The following ABCA13 variants were observed in gnomAD, a reference collection of about 807,000 sequenced individuals.
The protein encoded by ABCA13 is ATP-binding cassette sub-family A member 13.
Under a neutral mutation model 478.7 loss-of-function variants are expected in ABCA13, and 476 were observed. The observed-to-expected ratio is 0.99, with a 90% CI of 0.92 to 1.07. The LOEUF is 1.07. Among genes scored for constraint, ABCA13 ranks in the 50% least tolerant of loss-of-function variants. The probability of loss-of-function intolerance (pLI) is 0.00; values close to 1 mark genes in which losing one functional copy is unlikely to be tolerated. For missense variants in ABCA13, 6,060 were observed against 5,910.6 expected (o/e 1.03, Z -0.83); for synonymous variants, 2,252 against 2,158.9 (o/e 1.04, Z -1.20).
chr7:48,185,542 T>C (rs1414724467), intron 1 of ABCA13, among the ~76,000 whole-genome samples: 4 of 152,182 alleles, frequency 2.6e-5, no homozygotes, highest in African/African-American at 7.2e-5. Flanking sequence ...AACATCTTTA[T>C]GGTACTGAGT....
At chr7:48,534,048 G>T (rs1405784180) in intron 55 of ABCA13, among the ~76,000 whole-genome samples, 2 of 151,838 alleles carry the variant, frequency 1.3e-5, no homozygotes, top group African/African-American at 2.4e-5. Flanking sequence ...CTGTTTCATT[G>T]TGTTATTGTT....
intron 25 of ABCA13, among the ~76,000 whole-genome samples, chr7:48,313,939 T>C (rs1802143464): frequency 6.6e-6 from 1 of 151,980 alleles, no homozygotes; most frequent in African/African-American, 2.4e-5. Flanking sequence ...GGATTAATAA[T>C]TTATTACTGG....
At chr7:48,522,711 A>G (rs999086829) in intron 53 of ABCA13, among the ~76,000 whole-genome samples, 2 of 152,176 alleles carry the variant, frequency 1.3e-5, no homozygotes, top group Non-Finnish European at 2.9e-5. Flanking sequence ...ACCAACCAGA[A>G]TTACTTGAAG....
intron 59 of ABCA13, among the ~76,000 whole-genome samples, chr7:48,625,101 C>G (rs1563521993): frequency 6.6e-6 from 1 of 151,542 alleles, no homozygotes; most frequent in Non-Finnish European, 1.5e-5. Flanking sequence ...GGATTTTTTT[C>G]CTAAAAAAAA....
chr7:48,285,988 G>A (rs1797682573), intron 19 of ABCA13, among the ~76,000 whole-genome samples: 1 of 152,162 alleles, frequency 6.6e-6, no homozygotes, highest in Admixed American at 6.5e-5. Context: ...GATATATTGT[G>A]TCTACTCTGC....
At chr7:48,353,576 C>A (rs998884341) in intron 31 of ABCA13, among the ~76,000 whole-genome samples, 1 of 151,462 alleles carries the variant, frequency 6.6e-6, no homozygotes, top group Admixed American at 6.6e-5. Flanking sequence ...GACCACCAAG[C>A]AGAAGTCAGG....
chr7:48,263,834 CAATGTGTAGT>C (rs1433934145), intron 15 of ABCA13, among the ~76,000 whole-genome samples: 12 of 151,804 alleles, frequency 7.9e-5, no homozygotes, highest in African/African-American at 2.9e-4. Context: ...TACAGGCATG[CAATGTGTAGT>C]AATCACATCC....
At position 48,296,220 on chromosome 7, in the gene ABCA13, T is replaced by C. The variant is rs574355035; in HGVS notation, c.9119+357T>C. Among the ~76,000 whole-genome samples the C allele has an allele frequency of 1.1e-4, 17 of 152,152 alleles. No homozygotes were observed. The South Asian group carries it at 3.1e-3, about 28-fold the overall frequency. On this transcript the variant is annotated intron_variant, in intron 21 of 61. Coordinates refer to ENST00000435803, the MANE Select transcript of ABCA13 (RefSeq NM_152701.5). Reference sequence around the variant, plus strand: ...ACCTGGGCAACATAGCAAGACCCTGTCTCTAAAAAATAAAAGCAACAACAA... The same window carrying C: ...ACCTGGGCAACATAGCAAGACCCTGCCTCTAAAAAATAAAAGCAACAACAA...
At chr7:48,475,813 A>G (rs992378422) in intron 45 of ABCA13, among the ~76,000 whole-genome samples, 3 of 152,080 alleles carry the variant, frequency 2.0e-5, no homozygotes, top group African/African-American at 7.2e-5. Context: ...CAAACCTACA[A>G]AAAGGTTCCA....
chr7:48,628,824 G>A (rs1793903098), intron 59 of ABCA13, among the ~76,000 whole-genome samples: 1 of 152,152 alleles, frequency 6.6e-6, no homozygotes, highest in Non-Finnish European at 1.5e-5. Flanking sequence ...AAAATTCCTA[G>A]TACATGGCAG....
rs780575078 is a variant in ABCA13 at position 48,287,965 on chromosome 7, C to G, written c.8842C>G (p.Pro2948Ala). The change falls in exon 20 of 62, where the codon CCT (proline) becomes GCT (alanine). Residue 2948 changes from proline to alanine, a missense_variant. Pro to Ala is a conservative substitution (Grantham distance 27). This residue lies in a region of ABCA13 where 4,423 missense variants were observed against 4,309.1 expected (regional missense o/e 1.03). Transcript: ENST00000435803. ...VRVLTIVAEN[P>A]SWTKDILCAT... ...CTGTGTGTTTCCTCTGGCAGAAAAC[C>G]CTTCCTGGACCAAGGACATTTTGTG... 6.2e-7 allele frequency: 1 copy of G among 1,613,290 alleles called. No homozygotes were observed. Among genetic ancestry groups the G allele is most frequent in the Admixed American group, 1.7e-5 (1 of 59,974 alleles).
At chr7:48,283,892 A>G (rs940695187) in intron 19 of ABCA13, among the ~76,000 whole-genome samples, 1 of 152,192 alleles carries the variant, frequency 6.6e-6, no homozygotes, top group Non-Finnish European at 1.5e-5. Flanking sequence ...ATGCTGAGTG[A>G]CACAGGGTAG....
intron 27 of ABCA13, among the ~76,000 whole-genome samples, chr7:48,319,636 AT>A (rs1563042847): frequency 3.3e-5 from 5 of 152,184 alleles, no homozygotes; most frequent in Admixed American, 2.0e-4. Context: ...AGGAAAAAAA[AT>A]CTATAAAAGT....
chr7:48,376,360 A>C, intron 34 of ABCA13, 81 bp from the exon 35 acceptor site: 1 of 1,518,896 alleles, frequency 6.6e-7, no homozygotes, highest in Admixed American at 2.1e-5. Context: ...TTGAGCTTCC[A>C]GAAGTAATGA....
chr7:48,570,402 G>T lies in ABCA13; in HGVS notation c.14355-9822G>T, dbSNP rs1183770573. Among the ~76,000 whole-genome samples the T allele has an allele frequency of 3.0e-5, 4 of 134,744 alleles. No individual in the cohort carries two copies. In the East Asian group the frequency reaches 9.2e-4, roughly 31 times the overall value. The allele number at this position is 134,744 out of a possible 152,430, so 88.4% of individuals were successfully genotyped here. ...TGCAGTGGCGCAATCTTGGCTCACT[G>T]CAAGCTCTGCCTCCCAGGTTTACAC... On this transcript the variant is annotated intron_variant, in intron 55 of 61. Transcript: ENST00000435803.
chr7:48,203,361 C>T (rs1314484512), intron 3 of ABCA13, among the ~76,000 whole-genome samples: 4 of 152,352 alleles, frequency 2.6e-5, no homozygotes, highest in African/African-American at 4.8e-5. Flanking sequence ...AAAGGGACTC[C>T]CACAGTGCAG....
chr7:48,341,168 C>G (rs547756295), intron 29 of ABCA13, among the ~76,000 whole-genome samples: 7 of 152,262 alleles, frequency 4.6e-5, no homozygotes, highest in Admixed American at 3.9e-4. Flanking sequence ...TACCATGTTT[C>G]CCTTTTCCTA....
At chr7:48,503,730 G>A (rs1830956794) in intron 48 of ABCA13, among the ~76,000 whole-genome samples, 1 of 152,124 alleles carries the variant, frequency 6.6e-6, no homozygotes, top group Non-Finnish European at 1.5e-5. Flanking sequence ...CTTGGCTATT[G>A]TGAATAATGC....
intron 59 of ABCA13, among the ~76,000 whole-genome samples, chr7:48,635,220 C>CA (rs11364153): frequency 2.8e-3 from 353 of 124,104 alleles, no homozygotes; most frequent in South Asian, 7.4e-3. Flanking sequence ...ATTTTGTTGC[C>CA]AAAAAAAAAA....
Sources: gnomAD v4.1 joint callset for allele counts (sites outside exome capture counted in the v4.1 genomes callset) on GRCh38, gnomAD v4.1.1 for gene constraint, gnomAD v4.1.1 regional missense constraint, MANE v1.5 for transcripts, NCBI Gene and HGNC (gene_info 2026-07-23, HGNC 2026-07-21) for gene names.